Variants in PRELID2 observed in about 807,000 individuals in gnomAD.
PRELID2 encodes PRELI domain-containing protein 2.
PRELID2 carries 25 observed loss-of-function variants against 28.4 expected under a neutral mutation model. The observed-to-expected ratio is 0.88, with a 90% CI of 0.64 to 1.23. PRELID2 has a LOEUF of 1.23. PRELID2 is among the 50% of genes most tolerant of loss of function. The pLI is 0.00. For missense variants in PRELID2, 201 were observed against 214.4 expected (o/e 0.94, Z 0.39); for synonymous variants, 76 against 71.6 (o/e 1.06, Z -0.31).
chr5:145,551,253 T>C (rs1359929957), intron 1 of PRELID2, among the ~76,000 whole-genome samples: 1 of 151,852 alleles, frequency 6.6e-6, no homozygotes, highest in African/African-American at 2.4e-5. Context: ...ATACAAAAAT[T>C]AGCTGGGTGT....
rs140158802 is a variant in PRELID2 at position 145,778,555 on chromosome 5, A to T, written c.475-13555T>A. 6.2e-4 allele frequency among the ~76,000 whole-genome samples: 94 copies of T among 152,338 alleles called. No homozygotes were observed. The East Asian group carries it at 0.016, about 26-fold the overall frequency. On this transcript the variant is annotated intron_variant, in intron 5 of 6. Coordinates refer to ENST00000683046, the MANE Select transcript of PRELID2 (RefSeq NM_205846.3). Reference sequence around the variant, plus strand: ...CCCGCCAAGCTGAAACAGTTACAACACAAACAGTACCAACTGGGGAAGCTG... The same window carrying T: ...CCCGCCAAGCTGAAACAGTTACAACTCAAACAGTACCAACTGGGGAAGCTG...
chr5:145,418,975 TG>T, the PRELID2 span, among the ~76,000 whole-genome samples: 2,146 of 149,900 alleles, frequency 0.014, 45 homozygotes, highest in African/African-American at 0.05. Context: ...TGAGAATATG[TG>T]GTGTTTGGTT....
rs190415122 is a variant in PRELID2 at position 145,503,525 on chromosome 5, G to T, written n.71-30210C>A. Among the ~76,000 whole-genome samples the T allele has an allele frequency of 5.5e-4, 79 of 144,348 alleles. 1 individual carries two copies. The highest frequency in any genetic ancestry group is 7.3e-3 in the Middle Eastern group (2 of 274). 94.7% of individuals were successfully genotyped at this position (144,348 alleles called of 152,430 possible). On this transcript the variant is annotated intron_variant and non_coding_transcript_variant, in intron 1 of 2. Coordinates refer to the PRELID2 transcript ENST00000510259. The stretch of plus-strand genomic sequence containing the variant: ...TTCTACGCATTTCCTCCTCCAAACT[G>T]CCCTATGAAAAAAATCACTATTATC...
intron 1 of PRELID2, among the ~76,000 whole-genome samples, chr5:145,619,207 C>T (rs73311568): frequency 0.046 from 7,074 of 152,234 alleles, 517 homozygotes; most frequent in African/African-American, 0.16. Context: ...GGAGGTTTCT[C>T]CACTGGTTCA....
chr5:145,376,555 C>T, the PRELID2 span, among the ~76,000 whole-genome samples: 53 of 152,098 alleles, frequency 3.5e-4, no homozygotes, highest in African/African-American at 1.2e-3. Context: ...TAGGCTATTA[C>T]TGACTCAATT....
chr5:145,817,892 AC>A lies in PRELID2; in HGVS notation c.368+1del. On this transcript the variant is annotated splice_donor_variant, in intron 4 of 6. Coordinates refer to ENST00000683046, the MANE Select transcript of PRELID2 (RefSeq NM_205846.3). LOFTEE classifies it high-confidence loss of function. ...ACACACACATATACACACGAGTCTT[AC>A]CAATTTGGGTTTTCCATACTTTCCC... 6.5e-7 allele frequency: 1 copy of A among 1,542,486 alleles called. No homozygotes were observed. The highest frequency in any genetic ancestry group is 1.4e-5 in the African/African-American group (1 of 72,438).
chr5:145,527,235 T>C (rs1191100378), intron 1 of PRELID2, among the ~76,000 whole-genome samples: 1 of 152,200 alleles, frequency 6.6e-6, no homozygotes, highest in Non-Finnish European at 1.5e-5. Context: ...GATAAAATCA[T>C]ATAAAACTAA....
At chr5:145,237,873 A>G in the PRELID2 span, among the ~76,000 whole-genome samples, 1 of 152,128 alleles carries the variant, frequency 6.6e-6, no homozygotes. Context: ...GGTCAGTGTT[A>G]CTGATCCTCT....
At chr5:145,825,656 A>G (rs1755146575) in intron 1 of PRELID2, among the ~76,000 whole-genome samples, 1 of 152,222 alleles carries the variant, frequency 6.6e-6, no homozygotes, top group East Asian at 1.9e-4. Context: ...TCACTAAGCT[A>G]TCAGAGAAAT....
chr5:145,379,438 A>C, the PRELID2 span, among the ~76,000 whole-genome samples: 1 of 152,130 alleles, frequency 6.6e-6, no homozygotes, highest in African/African-American at 2.4e-5. Flanking sequence ...GTTGTACTGG[A>C]GGTGGTGTTG....
intron 1 of PRELID2, among the ~76,000 whole-genome samples, chr5:145,617,068 C>T (rs56908543): frequency 0.031 from 4,717 of 152,292 alleles, 220 homozygotes; most frequent in African/African-American, 0.1. Context: ...CTGTTCCACC[C>T]GGCTACTGGC....
At chr5:145,784,025 T>C (rs1751820143) in intron 5 of PRELID2, among the ~76,000 whole-genome samples, 1 of 152,240 alleles carries the variant, frequency 6.6e-6, no homozygotes, top group South Asian at 2.1e-4. Flanking sequence ...TTCACACCTG[T>C]AATCCCAGCA....
chr5:145,530,286 A>G (rs1022950215), intron 1 of PRELID2, among the ~76,000 whole-genome samples: 2 of 152,158 alleles, frequency 1.3e-5, no homozygotes, highest in African/African-American at 4.8e-5. Context: ...GTGATTGCTC[A>G]CGGTGAGAAA....
chr5:145,334,959 G>A, the PRELID2 span, among the ~76,000 whole-genome samples: 7 of 151,840 alleles, frequency 4.6e-5, no homozygotes, highest in African/African-American at 1.2e-4. Flanking sequence ...TTGGTGTTAC[G>A]TTCTTGGGTT....
chr5:145,440,000 A>G, the PRELID2 span, among the ~76,000 whole-genome samples: 1 of 152,066 alleles, frequency 6.6e-6, no homozygotes, highest in Non-Finnish European at 1.5e-5. Flanking sequence ...CCAGCTCTGT[A>G]TCTTCCAGGG....
intron 4 of PRELID2, among the ~76,000 whole-genome samples, chr5:145,801,444 T>C (rs1307360637): frequency 6.6e-6 from 1 of 152,144 alleles, no homozygotes; most frequent in South Asian, 2.1e-4. Flanking sequence ...AAGTTTTCCT[T>C]CACCTGTCTT....
In PRELID2 at chr5:145,747,012, C is replaced by T. The variant is rs544618615; in HGVS notation, n.70+17919G>A. Among the ~76,000 whole-genome samples the T allele has an allele frequency of 3.2e-3, 487 of 152,242 alleles. 1 individual carries two copies. Among genetic ancestry groups the T allele is most frequent in the Non-Finnish European group, 5.0e-3 (343 of 68,020 alleles). ...GAACAAAGAGACAATGAACCAGAAT[C>T]TCTGGGACACAGCTAACACAGTGTT... On this transcript the variant is annotated intron_variant and non_coding_transcript_variant, in intron 1 of 2. Coordinates refer to the PRELID2 transcript ENST00000510259.
At chr5:145,462,571 A>C in the PRELID2 span, among the ~76,000 whole-genome samples, 547 of 152,088 alleles carry the variant, frequency 3.6e-3, no homozygotes, top group Non-Finnish European at 6.0e-3. Context: ...TTCCAGTTCT[A>C]CTCTCCATCT....
chr5:145,746,609 T>C (rs934920637), intron 1 of PRELID2, among the ~76,000 whole-genome samples: 3 of 152,148 alleles, frequency 2.0e-5, no homozygotes, highest in African/African-American at 7.2e-5. Context: ...CCACTGTCAA[T>C]ATTAGACAGA....
Sources: allele counts gnomAD v4.1 joint callset (sites outside exome capture counted in the v4.1 genomes callset), GRCh38; gene constraint gnomAD v4.1.1; transcripts MANE v1.5; gene names NCBI Gene and HGNC (gene_info 2026-07-23, HGNC 2026-07-21).